DAOA: variants seen among roughly 807,000 people sequenced by gnomAD.
DAOA encodes D-amino acid oxidase activator, also known as D-amino acid oxidase regulator.
In DAOA, 15 loss-of-function variants were observed where a neutral mutation model predicts 16.4. The ratio of observed to expected loss-of-function variants is 0.91; its 90% confidence interval spans 0.61 to 1.41. The LOEUF (loss-of-function observed/expected upper bound fraction) is 1.41. DAOA is among the 40% of genes most tolerant of loss of function. DAOA has a pLI of 0.00. For synonymous variants in DAOA, 75 were observed against 59.1 expected, an observed-to-expected ratio of 1.27 and a Z score of -1.23; for missense variants, 230 against 176.8, an observed-to-expected ratio of 1.30 and a Z score of -1.71.
chr13:105,467,098 G>C lies in DAOA; in HGVS notation c.90G>C (p.Arg30Ser). 6.2e-7 allele frequency: 1 copy of C among 1,610,938 alleles called. No individual in the cohort carries two copies. Among genetic ancestry groups the C allele is most frequent in the Non-Finnish European group, 8.5e-7 (1 of 1,178,218 alleles). The change falls in exon 3 of 6, where the codon AGG (arginine) becomes AGC (serine). Residue 30 changes from arginine to serine, a missense_variant. Transcript: ENST00000375936. ...AAATCTACTTCATAGGTTTTCAAAGGAGCATTCTTCTGAGCAAATCTGAAA... is the reference window on the plus strand; with the variant it reads ...AAATCTACTTCATAGGTTTTCAAAGCAGCATTCTTCTGAGCAAATCTGAAA... ...LGKIYFIGFQ[R>S]SILLSKSENS...
At chr13:105,466,816 C>T (rs72549468) in intron 2 of DAOA, among the ~76,000 whole-genome samples, 48 of 152,170 alleles carry the variant, frequency 3.2e-4, no homozygotes, top group Middle Eastern at 6.8e-3. Flanking sequence ...AGTGAACTCT[C>T]CTGTCAGCTA....
chr13:105,482,086 G>C (rs1877784262), intron 4 of DAOA, among the ~76,000 whole-genome samples: 1 of 152,202 alleles, frequency 6.6e-6, no homozygotes, highest in East Asian at 1.9e-4. Context: ...GATCTCATGA[G>C]ACTTATTCAC....
At chr13:105,474,959 C>T (rs1877235029) in intron 4 of DAOA, 1 of 937,376 alleles carries the variant, frequency 1.1e-6, no homozygotes, top group Non-Finnish European at 1.3e-6. Flanking sequence ...AACGAACATT[C>T]ACCTCATTTT....
rs775046119 is a variant in DAOA, at chr13:105,489,966, A to T, written c.347A>T (p.Tyr116Phe). ...GCAAGAAACTATGAGTTCCTTGCCT[A>T]TGAGGCCTCTAAGGACCGCAGGCAG... is the stretch of plus-strand genomic sequence containing the variant. ...FMARNYEFLA[Y>F]EASKDRRQPL... The change falls in exon 5 of 6, where the codon TAT becomes TTT. Residue 116 changes from tyrosine to phenylalanine, a missense_variant. Tyr to Phe is a conservative substitution (Grantham distance 22). Transcript: ENST00000375936. The T allele has an allele frequency of 5.0e-6, 8 of 1,613,630 alleles. No individual in the cohort carries two copies. The South Asian group carries it at 6.6e-5, about 13-fold the overall frequency.
chr13:105,489,875 C>T (rs765710019), intron 4 of DAOA, 26 bp from the exon 5 acceptor site: 4 of 1,613,610 alleles, frequency 2.5e-6, no homozygotes, highest in South Asian at 2.2e-5. Context: ...CAAGACCTGG[C>T]CAACTGAGAC....
intron 4 of DAOA, among the ~76,000 whole-genome samples, chr13:105,479,476 C>G (rs1447314302): frequency 1.3e-5 from 2 of 152,182 alleles, no homozygotes; most frequent in African/African-American, 4.8e-5. Flanking sequence ...GAAATTAACA[C>G]ACAGGCTGGT....
chr13:105,466,954 C>T (rs1368300648), intron 2 of DAOA, 99 bp from the exon 3 acceptor site: 2 of 1,407,078 alleles, frequency 1.4e-6, no homozygotes, highest in South Asian at 1.8e-5. Context: ...AAGTGCTAAA[C>T]CATACATGTT....
intron 4 of DAOA, among the ~76,000 whole-genome samples, chr13:105,484,890 T>C (rs1878006941): frequency 6.6e-6 from 1 of 152,160 alleles, no homozygotes; most frequent in African/African-American, 2.4e-5. Flanking sequence ...TGAACTTAGG[T>C]AATCTCAGGC....
chr13:105,478,704 T>G (rs1042961922), intron 4 of DAOA, among the ~76,000 whole-genome samples: 2 of 152,194 alleles, frequency 1.3e-5, no homozygotes, highest in African/African-American at 4.8e-5. Context: ...CCAACTGTAT[T>G]GCAATTAAAA....
chr13:105,473,429 T>G (rs1877127491), intron 4 of DAOA, among the ~76,000 whole-genome samples: 1 of 152,094 alleles, frequency 6.6e-6, no homozygotes, highest in South Asian at 2.1e-4. Flanking sequence ...TTTTACCTTT[T>G]TAGAATAGTA....
intron 4 of DAOA, among the ~76,000 whole-genome samples, chr13:105,481,729 T>C (rs374382497): frequency 3.3e-5 from 5 of 152,254 alleles, no homozygotes; most frequent in Admixed American, 2.0e-4. Context: ...AAATTTTCTC[T>C]CTCCCTTGTA....
At position 105,475,771 on chromosome 13, in the gene DAOA, T is replaced by C. The variant is rs191214913; in HGVS notation, c.281+3086T>C. 1.3e-3 allele frequency among the ~76,000 whole-genome samples: 201 copies of C among 152,292 alleles called. 1 individual carries two copies. The highest frequency in any genetic ancestry group is 4.5e-3 in the African/African-American group (189 of 41,562). On this transcript the variant is annotated intron_variant, in intron 4 of 5. Coordinates refer to ENST00000375936, the MANE Select transcript of DAOA (RefSeq NM_172370.5). Reference sequence around the variant, plus strand: ...ATCTTTAAGGCAATTTGAAATCCAATCATTTTTATTTAAAAAGTTTAATAT... The same window carrying C: ...ATCTTTAAGGCAATTTGAAATCCAACCATTTTTATTTAAAAAGTTTAATAT...
chr13:105,488,961 A>G (rs774975868), intron 4 of DAOA, among the ~76,000 whole-genome samples: 5 of 152,214 alleles, frequency 3.3e-5, no homozygotes, highest in Non-Finnish European at 7.3e-5. Context: ...ATTATTTACT[A>G]AGGATAATGG....
chr13:105,489,838 T>C, intron 4 of DAOA, 63 bp from the exon 5 acceptor site: 1 of 1,613,564 alleles, frequency 6.2e-7, no homozygotes, highest in Non-Finnish European at 8.5e-7. Context: ...TGATGACACT[T>C]GACTCCGGTG....
intron 2 of DAOA, 83 bp downstream of exon 2, chr13:105,466,415 A>G: frequency 6.2e-7 from 1 of 1,603,004 alleles, no homozygotes; most frequent in Admixed American, 1.7e-5. Flanking sequence ...CCCAGGGTGA[A>G]TGTTCCTGGA....
At chr13:105,474,080 GT>G (rs769494881) in intron 4 of DAOA, among the ~76,000 whole-genome samples, 1 of 151,930 alleles carries the variant, frequency 6.6e-6, no homozygotes, top group Non-Finnish European at 1.5e-5. Flanking sequence ...ATTTATCCGT[GT>G]TGAATATTTC....
intron 4 of DAOA, among the ~76,000 whole-genome samples, chr13:105,483,936 C>T (rs1877929717): frequency 2.6e-5 from 4 of 152,026 alleles, no homozygotes; most frequent in Admixed American, 2.0e-4. Context: ...TGTTCTGTTG[C>T]ATCTAATACA....
Position 105,477,856 on chromosome 13 carries a change from A to T in DAOA, c.281+5171A>T, listed in dbSNP as rs1368151156. On this transcript the variant is annotated intron_variant, in intron 4 of 5. Transcript: ENST00000375936. ...GTTTTTAAAATAATAGAATATCATG[A>T]GAGTCATTTCCAAAAGGCATGATTC... Among the ~76,000 whole-genome samples, 3 of 152,240 alleles carry T rather than the reference A, an allele frequency of 2.0e-5. No individual in the cohort carries two copies. In the East Asian group the frequency reaches 5.8e-4, roughly 29 times the overall value.
At chr13:105,477,591 G>T (rs1877426462) in intron 4 of DAOA, among the ~76,000 whole-genome samples, 4 of 152,140 alleles carry the variant, frequency 2.6e-5, no homozygotes, top group African/African-American at 7.2e-5. Context: ...AGATATGTTG[G>T]TGCATGCCTG....
Sources: gnomAD v4.1 joint callset for allele counts (sites outside exome capture counted in the v4.1 genomes callset) on GRCh38, gnomAD v4.1.1 for gene constraint, MANE v1.5 for transcripts, NCBI Gene and HGNC (gene_info 2026-07-23, HGNC 2026-07-21) for gene names.